The following CD163L1 variants were observed in gnomAD, a reference collection of about 807,000 sequenced individuals.
CD163L1 encodes the protein scavenger receptor cysteine-rich type 1 protein M160.
CD163L1 carries 124 observed loss-of-function variants against 165.4 expected under a neutral mutation model. The ratio of observed to expected loss-of-function variants is 0.75; its 90% CI spans 0.65 to 0.87. CD163L1 has a LOEUF of 0.87. CD163L1 is among the 40% of genes least tolerant of loss of function. CD163L1 has a pLI of 0.00. For synonymous variants in CD163L1, 585 were observed against 662.2 expected (o/e 0.88, Z 1.79); for missense variants, 1,525 against 1,799.9 (o/e 0.85, Z 2.76).
the CD163L1 span, among the ~76,000 whole-genome samples, chr12:7,332,441 A>C: frequency 6.6e-6 from 1 of 152,184 alleles, no homozygotes; most frequent in African/African-American, 2.4e-5. Context: ...AACGCCACAA[A>C]GATACTCCTC....
chr12:7,426,339 C>T (rs767594787), intron 4 of CD163L1, among the ~76,000 whole-genome samples: 8 of 151,652 alleles, frequency 5.3e-5, no homozygotes, highest in Non-Finnish European at 1.0e-4. Flanking sequence ...ATACCTAATG[C>T]ATGTGGGGCT....
intron 4 of CD163L1, among the ~76,000 whole-genome samples, chr12:7,418,117 T>C (rs73272443): frequency 6.9e-4 from 105 of 152,126 alleles, no homozygotes; most frequent in African/African-American, 2.4e-3. Context: ...TTCTCTAAAA[T>C]AGACTATATG....
chr12:7,374,607 C>T lies in CD163L1; in HGVS notation c.3244G>A (p.Ala1082Thr), dbSNP rs1947217035. The change falls in exon 13 of 20, where the codon GCC becomes ACC. Residue 1082 changes from alanine (A) to threonine (T), a missense_variant. Physicochemically the swap from Ala to Thr is moderately conservative, Grantham distance 58. Transcript: ENST00000313599. This position sits in a 1 kb window ranked among gnomAD's most constrained non-coding sequence, Gnocchi z 5.4. ...VVCQKLGCGV[A>T]FNATVSAHFG... ...TGAGCAGAGACCGTGGCATTGAAGG[C>T]CACTCCACAGCCCAGCTTTTGACAC... 2.5e-6 allele frequency: 4 copies of T among 1,614,080 alleles called. No individual in the cohort carries two copies. In the South Asian group the frequency reaches 4.4e-5, roughly 18 times the overall value.
At chr12:7,367,749 C>A (rs1013971136) in intron 17 of CD163L1, among the ~76,000 whole-genome samples, 1 of 152,192 alleles carries the variant, frequency 6.6e-6, no homozygotes, top group African/African-American at 2.4e-5. Flanking sequence ...TCTTAATCCT[C>A]CACCATGCTT....
intron 4 of CD163L1, among the ~76,000 whole-genome samples, chr12:7,421,657 A>G (rs1473662085): frequency 5.2e-5 from 7 of 135,866 alleles, no homozygotes; most frequent in Non-Finnish European, 7.9e-5. Flanking sequence ...ACATATATGT[A>G]CATATATACA....
exon 5 of CD163L1, chr12:7,346,924 A>T (rs760610473): frequency 6.6e-6 from 1 of 152,348 alleles, no homozygotes; most frequent in South Asian, 2.1e-4. Context: ...CCGCAAACCT[A>T]GTCATTTAGG....
At chr12:7,439,642 T>C (rs1379055338) in intron 2 of CD163L1, 7 of 1,612,018 alleles carry the variant, frequency 4.3e-6, no homozygotes, top group Non-Finnish European at 5.9e-6. Context: ...CCTGACTGCT[T>C]TGGCTTTGTT....
chr12:7,420,623 T>A (rs773877245), intron 4 of CD163L1, among the ~76,000 whole-genome samples: 1 of 152,060 alleles, frequency 6.6e-6, no homozygotes, highest in Admixed American at 6.6e-5. Context: ...ACATCACTCA[T>A]GATCAGAGAA....
At chr12:7,367,623 A>C in intron 17 of CD163L1, 1 of 253,452 alleles carries the variant, frequency 3.9e-6, no homozygotes, top group Non-Finnish European at 7.6e-6. Flanking sequence ...CTGATGAGGT[A>C]AGACTATTAT....
the CD163L1 span, among the ~76,000 whole-genome samples, chr12:7,334,225 G>C: frequency 6.6e-6 from 1 of 152,098 alleles, no homozygotes; most frequent in Non-Finnish European, 1.5e-5. Flanking sequence ...GATGAACATT[G>C]ATGCAAAAAT....
rs769845330 is a variant in CD163L1 at position 7,374,523 on chromosome 12, A to T, written c.3328T>A (p.Ser1110Thr). Residue 1110 changes from serine to threonine, a missense_variant, in exon 13 of 20, where the codon TCC becomes ACC. Transcript: ENST00000313599. The surrounding 1 kb of genome is among the most constrained non-coding windows in gnomAD (Gnocchi z 5.4). ...CGGGAAGGGCACTGCCACAAGTGGG[A>T]CTCCATTCCTGTGCAGTTCAGGTCA... Reference protein sequence around the residue: ...LDDLNCTGMESHLWQCPSRGW... With the variant: ...LDDLNCTGMETHLWQCPSRGW... 6.2e-7 allele frequency: 1 copy of T among 1,614,102 alleles called. No homozygotes were observed. The highest frequency in any genetic ancestry group is 2.2e-5 in the East Asian group (1 of 44,862).
chr12:7,328,054 T>G, the CD163L1 span, among the ~76,000 whole-genome samples: 2 of 152,220 alleles, frequency 1.3e-5, no homozygotes, highest in Admixed American at 1.3e-4. Flanking sequence ...ATTATTACTT[T>G]CTTCTGGCAA....
At position 7,441,301 on chromosome 12, in the gene CD163L1, G is replaced by T. The variant is rs374905751; in HGVS notation, c.32-55C>A. The T allele has an allele frequency of 4.7e-4, 616 of 1,297,142 alleles. 1 individual carries two copies. Among genetic ancestry groups the T allele is most frequent in the Middle Eastern group, 7.5e-4 (4 of 5,332 alleles). The allele number at this position is 1,297,142 out of a possible 1,614,324, so 80.4% of individuals were successfully genotyped here. A position where few individuals can be genotyped will look rare whatever the true frequency, so the allele number is the denominator to read the frequency against. On this transcript the variant is annotated intron_variant, in intron 1 of 19. Transcript: ENST00000313599. ...TTTCATGTCTTTCTAAGAAATGTTAGATGACCTCAATGACTTAAATCCAAA... is the reference window on the plus strand; with the variant it reads ...TTTCATGTCTTTCTAAGAAATGTTATATGACCTCAATGACTTAAATCCAAA...
chr12:7,405,866 T>C (rs951300766), intron 5 of CD163L1, among the ~76,000 whole-genome samples: 1 of 152,122 alleles, frequency 6.6e-6, no homozygotes, highest in Admixed American at 6.6e-5. Flanking sequence ...ATTAAGAGAG[T>C]GAACAGGTTT....
At chr12:7,420,915 A>G (rs1014075360) in intron 4 of CD163L1, among the ~76,000 whole-genome samples, 4 of 149,626 alleles carry the variant, frequency 2.7e-5, no homozygotes, top group African/African-American at 9.9e-5. Flanking sequence ...ATAGCAGCAC[A>G]ATTTGCAATT....
rs767460164 is a variant in CD163L1 at position 7,396,147 on chromosome 12, C to T, written c.1998G>A (p.Gly666=). 6.2e-6 allele frequency: 10 copies of T among 1,614,044 alleles called. 1 individual carries two copies. In the South Asian group the frequency reaches 1.1e-4, roughly 18 times the overall value. The change falls in exon 8 of 20, where the codon GGG becomes GGA. Residue 666 remains glycine (G), a synonymous_variant. Transcript: ENST00000313599. ...TGTGACTGCAGTCATTATTTCCCCA[C>T]CCACTGTTCCTGCATGACCAGAGAT... is the stretch of plus-strand genomic sequence containing the variant. The part of the protein sequence containing the change: ...ESDLWSCRNS[G]WGNNDCSHSE...
Position 7,396,222 on chromosome 12 carries a change from T to A in CD163L1, c.1923A>T (p.Gly641=). The A allele has an allele frequency of 6.2e-7, 1 of 1,614,156 alleles. No homozygotes were observed. The highest frequency in any genetic ancestry group is 1.3e-5 in the African/African-American group (1 of 75,034). ...IGMGLGNAST[G]YGKIWLDDVS... ...CATCATCGAGCCAAATTTTTCCATA[T>A]CCTGTAGAAGCGTTTCCCAGACCCA... Residue 641 remains glycine, a synonymous_variant, in exon 8 of 20, where the codon GGA becomes GGT. Transcript: ENST00000313599.
intron 4 of CD163L1, among the ~76,000 whole-genome samples, chr12:7,427,176 G>T (rs533446566): frequency 9.2e-5 from 14 of 151,908 alleles, no homozygotes; most frequent in African/African-American, 3.4e-4. Flanking sequence ...TAGCGGACTT[G>T]AACAACACTA....
At chr12:7,358,661 T>A (rs776857127) in intron 18 of CD163L1, among the ~76,000 whole-genome samples, 55 of 152,234 alleles carry the variant, frequency 3.6e-4, no homozygotes, top group African/African-American at 1.3e-3. Context: ...CCTCAATTCT[T>A]TGTGTCCACT....
Sources: gnomAD v4.1 joint callset for allele counts (sites outside exome capture counted in the v4.1 genomes callset) on GRCh38, gnomAD v4.1.1 for gene constraint, Gnocchi (gnomAD v3.1) non-coding constraint, MANE v1.5 for transcripts, NCBI Gene and HGNC (gene_info 2026-07-23, HGNC 2026-07-21) for gene names.